The following CPQ variants were observed in gnomAD, a reference collection of about 807,000 sequenced individuals.
CPQ encodes carboxypeptidase Q.
In CPQ, 37 loss-of-function variants were observed where a neutral mutation model predicts 45.7. The observed-to-expected ratio is 0.81, with a 90% confidence interval of 0.62 to 1.07. The LOEUF is 1.07. Ranked by LOEUF, CPQ falls within the 50% of genes least tolerant of loss-of-function variation. CPQ has a pLI of 0.00. For missense variants in CPQ, 537 were observed against 572.9 expected (o/e 0.94, Z 0.64); for synonymous variants, 186 against 205.8 (o/e 0.90, Z 0.82).
At chr8:96,976,707 C>G (rs1352290347) in intron 5 of CPQ, among the ~76,000 whole-genome samples, 1 of 152,156 alleles carries the variant, frequency 6.6e-6, no homozygotes, top group South Asian at 2.1e-4. Flanking sequence ...ATACTTACAG[C>G]CAACTGATCT....
At chr8:96,876,091 C>A (rs1253792545) in intron 3 of CPQ, among the ~76,000 whole-genome samples, 1 of 151,766 alleles carries the variant, frequency 6.6e-6, no homozygotes, top group Non-Finnish European at 1.5e-5. Flanking sequence ...TTTCAGATTA[C>A]TCTTTGCTAT....
chr8:96,767,635 C>CTTTTTTTTTTTTTTTT lies in CPQ; in HGVS notation c.-34-17218_-34-17203dup, dbSNP rs1172189500. Among the ~76,000 whole-genome samples the CTTTTTTTTTTTTTTTT allele has an allele frequency of 8.9e-4, 35 of 39,312 alleles. 6 individuals are homozygous for CTTTTTTTTTTTTTTTT. The highest frequency in any genetic ancestry group is 1.4e-3 in the Non-Finnish European group (31 of 22,872). 25.8% of individuals were successfully genotyped at this position (39,312 alleles called of 152,430 possible). On this transcript the variant is annotated intron_variant, in intron 1 of 7. Transcript: ENST00000220763. The stretch of plus-strand genomic sequence containing the variant: ...AATCCCTTTCAGCTGGTTACCTATG[C>CTTTTTTTTTTTTTTTT]TTTTTTTTTTTTTTTTTTTTTTTTT...
At chr8:96,857,997 T>C (rs1222172475) in intron 3 of CPQ, among the ~76,000 whole-genome samples, 1 of 152,222 alleles carries the variant, frequency 6.6e-6, no homozygotes, top group African/African-American at 2.4e-5. Flanking sequence ...TCACTTTGGC[T>C]TAAATCATAA....
intron 1 of CPQ, among the ~76,000 whole-genome samples, chr8:96,777,816 C>A (rs772436525): frequency 8.5e-6 from 1 of 116,990 alleles, no homozygotes; most frequent in Non-Finnish European, 1.6e-5. Flanking sequence ...GCAAACTCTG[C>A]CTCCCTGGTT....
intron 7 of CPQ, among the ~76,000 whole-genome samples, chr8:97,104,197 G>A (rs756653706): frequency 3.9e-5 from 6 of 152,150 alleles, no homozygotes; most frequent in Non-Finnish European, 8.8e-5. Flanking sequence ...TATGAAATTA[G>A]TTTGCACATG....
At chr8:96,834,111 C>A (rs1025998978) in intron 2 of CPQ, among the ~76,000 whole-genome samples, 13 of 152,042 alleles carry the variant, frequency 8.6e-5, no homozygotes, top group African/African-American at 3.1e-4. Flanking sequence ...ATATTTTTTC[C>A]CTTTTACTCT....
intron 4 of CPQ, among the ~76,000 whole-genome samples, chr8:96,955,168 G>A (rs937494062): frequency 1.3e-5 from 2 of 152,084 alleles, no homozygotes; most frequent in South Asian, 2.1e-4. Flanking sequence ...CTGAGGAATC[G>A]CCACACTGTC....
chr8:96,978,749 T>G (rs1813831950), intron 5 of CPQ, among the ~76,000 whole-genome samples: 1 of 152,150 alleles, frequency 6.6e-6, no homozygotes, highest in Non-Finnish European at 1.5e-5. Context: ...AAAATCTTAC[T>G]AATGGTATCC....
chr8:96,992,772 AC>A (rs1467991942), intron 5 of CPQ, among the ~76,000 whole-genome samples: 2 of 152,182 alleles, frequency 1.3e-5, no homozygotes, highest in Non-Finnish European at 2.9e-5. Flanking sequence ...CCATAAATTA[AC>A]CAGAGATAAA....
At chr8:96,932,594 C>T (rs1248330651) in intron 4 of CPQ, among the ~76,000 whole-genome samples, 2 of 152,124 alleles carry the variant, frequency 1.3e-5, no homozygotes, top group African/African-American at 4.8e-5. Context: ...ACAACCCAGC[C>T]CCAAACTGCC....
intron 3 of CPQ, among the ~76,000 whole-genome samples, chr8:96,875,210 A>T (rs957913063): frequency 6.6e-6 from 1 of 151,966 alleles, no homozygotes; most frequent in Non-Finnish European, 1.5e-5. Flanking sequence ...ATATCTTTAT[A>T]TATTTTAGAT....
intron 1 of CPQ, among the ~76,000 whole-genome samples, chr8:96,767,635 CTTTTTTTTTTT>C (rs1172189500): frequency 4.8e-4 from 19 of 39,318 alleles, no homozygotes; most frequent in Admixed American, 2.4e-3. Flanking sequence ...GTTACCTATG[CTTTTTTTTTTT>C]TTTTTTTTTT....
chr8:97,047,839 G>A (rs144021280), intron 6 of CPQ, among the ~76,000 whole-genome samples: 337 of 152,210 alleles, frequency 2.2e-3, no homozygotes, highest in Middle Eastern at 6.8e-3. Flanking sequence ...CGTTCAGAGC[G>A]GAGGCACCCT....
intron 1 of CPQ, among the ~76,000 whole-genome samples, chr8:96,767,656 T>G (rs1377856335): frequency 1.4e-5 from 2 of 141,924 alleles, no homozygotes; most frequent in African/African-American, 5.3e-5. Context: ...TTTTTTTTTT[T>G]TTTTTGAGAC....
rs1306203170 is a variant in CPQ, at chr8:97,124,136, G to C, written c.1256-18884G>C. ...AGCTGCTCTGGAGGCTGAGGCAGGA[G>C]AATCGTTTGAGCTGGGGAGGTGGAG... On this transcript the variant is annotated intron_variant, in intron 7 of 7. Transcript: ENST00000220763. Among the ~76,000 whole-genome samples, 3 of 137,192 alleles carry C rather than the reference G, an allele frequency of 2.2e-5. No homozygotes were observed. The Admixed American group carries it at 2.5e-4, about 11-fold the overall frequency. The allele number at this position is 137,192 out of a possible 152,430, so 90.0% of individuals were successfully genotyped here. A position where few individuals can be genotyped will look rare whatever the true frequency, so the allele number is the denominator to read the frequency against.
chr8:96,752,714 AG>A (rs1295509518), intron 1 of CPQ, among the ~76,000 whole-genome samples: 2 of 152,100 alleles, frequency 1.3e-5, no homozygotes, highest in Non-Finnish European at 2.9e-5. Flanking sequence ...CCAGTTTTCA[AG>A]GGGAATGCTT....
In CPQ at chr8:96,700,106, C is replaced by A. The variant is rs755607459; in HGVS notation, c.-35+54704C>A. Among the ~76,000 whole-genome samples, 4 of 152,046 alleles carry A rather than the reference C, an allele frequency of 2.6e-5. No homozygotes were observed. The South Asian group carries it at 8.3e-4, about 32-fold the overall frequency. On this transcript the variant is annotated intron_variant, in intron 1 of 7. Transcript: ENST00000220763. ...ATGAGGTGAGGCAGCAGAGGCTTAG[C>A]TTGGTGAGGTTGTTAGCATGAAGTG... is the stretch of plus-strand genomic sequence containing the variant.
intron 4 of CPQ, among the ~76,000 whole-genome samples, chr8:96,958,008 A>AT (rs34445591): frequency 0.48 from 71,114 of 147,098 alleles, 18,381 homozygotes; most frequent in African/African-American, 0.69. Flanking sequence ...ACACCCGGCT[A>AT]TTTTTTTTTT....
In CPQ at chr8:97,122,988, A is replaced by T. The variant is rs1195679702; in HGVS notation, c.1256-20032A>T. 6.1e-4 allele frequency among the ~76,000 whole-genome samples: 44 copies of T among 72,558 alleles called. 4 individuals carry two copies. Among genetic ancestry groups the T allele is most frequent in the African/African-American group, 2.9e-3 (41 of 14,120 alleles). The allele number at this position is 72,558 out of a possible 152,430, so 47.6% of individuals were successfully genotyped here. On this transcript the variant is annotated intron_variant, in intron 7 of 7. Transcript: ENST00000220763. The stretch of plus-strand genomic sequence containing the variant: ...AAATAAAATAAAATAAAATTAAAAT[A>T]AAATAAAATAAAATATAAAATAAAA...
Sources: gnomAD v4.1 joint callset for allele counts (sites outside exome capture counted in the v4.1 genomes callset) on GRCh38, gnomAD v4.1.1 for gene constraint, MANE v1.5 for transcripts, NCBI Gene and HGNC (gene_info 2026-07-23, HGNC 2026-07-21) for gene names.